The following OBI1 variants were observed in gnomAD, a reference collection of about 807,000 sequenced individuals.
OBI1 encodes the protein ORC ubiquitin ligase 1.
OBI1 carries 59 observed loss-of-function variants against 62.4 expected under a neutral mutation model. That is an observed-to-expected ratio of 0.95 (90% CI 0.77 to 1.17). OBI1 has a LOEUF of 1.17. OBI1 is among the 50% of genes most tolerant of loss of function. The probability of loss-of-function intolerance (pLI) is 0.00; values close to 1 mark genes in which losing one functional copy is unlikely to be tolerated. For synonymous variants in OBI1, 302 were observed against 292.8 expected, an observed-to-expected ratio of 1.03 and a Z score of -0.32; for missense variants, 875 against 830.9, an observed-to-expected ratio of 1.05 and a Z score of -0.65.
intron 4 of OBI1, among the ~76,000 whole-genome samples, chr13:78,637,953 G>A (rs1019797247): frequency 3.3e-5 from 5 of 152,142 alleles, no homozygotes; most frequent in Non-Finnish European, 7.3e-5. Flanking sequence ...AATACCATAT[G>A]GAGCTCATTA....
chr13:78,644,721 T>C (rs926628145), intron 2 of OBI1, 141 bp downstream of exon 2: 20 of 892,520 alleles, frequency 2.2e-5, no homozygotes, highest in Middle Eastern at 4.8e-4. Flanking sequence ...ACATATACAT[T>C]ACACAAATTA....
At position 78,617,082 on chromosome 13, in the gene OBI1, C is replaced by A. The variant is rs1224039013; in HGVS notation, c.679G>T (p.Glu227Ter). The change falls in exon 6 of 6, where the codon GAA becomes TAA. Residue 227 changes from glutamate (E) to a stop codon, truncating the protein, a stop_gained. Coordinates refer to ENST00000282003, the MANE Select transcript of OBI1 (RefSeq NM_024546.4). LOFTEE classifies it high-confidence loss of function. Reference sequence around the variant, plus strand: ...CGATTGGTTTCACGCTCATACTGTTCTACTTTGGACTGAAGAGCAGCAACT... The same window carrying A: ...CGATTGGTTTCACGCTCATACTGTTATACTTTGGACTGAAGAGCAGCAACT... ...FAVAALQSKV[E>*]QYERETNRLK... 1.3e-6 allele frequency: 2 copies of A among 1,582,548 alleles called. No individual in the cohort carries two copies. Among genetic ancestry groups the A allele is most frequent in the Non-Finnish European group, 1.7e-6 (2 of 1,166,188 alleles).
intron 5 of OBI1, among the ~76,000 whole-genome samples, chr13:78,628,417 G>A (rs959073871): frequency 3.9e-5 from 6 of 152,178 alleles, no homozygotes; most frequent in Non-Finnish European, 7.4e-5. Context: ...TGAAAGGGCT[G>A]CTTTAGATTG....
chr13:78,616,977 C>T lies in OBI1; in HGVS notation c.784G>A (p.Glu262Lys). Residue 262 changes from glutamate (E) to lysine (K), a missense_variant, in exon 6 of 6, where the codon GAA becomes AAA. Coordinates refer to ENST00000282003, the MANE Select transcript of OBI1 (RefSeq NM_024546.4). ...SQVAQLKNSS[E>K]EKEAMNSICQ... ...ATGGAATTCATAGCTTCTTTCTCTTCACTTGAATTTTTTAGCTGTGCAACT... is the reference window on the plus strand; with the variant it reads ...ATGGAATTCATAGCTTCTTTCTCTTTACTTGAATTTTTTAGCTGTGCAACT... The T allele has an allele frequency of 2.5e-6, 4 of 1,614,186 alleles. No homozygotes were observed. The South Asian group carries it at 4.4e-5, about 18-fold the overall frequency.
intron 1 of OBI1, 100 bp from the exon 2 acceptor site, chr13:78,645,097 G>T: frequency 8.4e-7 from 1 of 1,189,784 alleles, no homozygotes; most frequent in Non-Finnish European, 1.2e-6. Flanking sequence ...TTATAGCAGA[G>T]TAGGAGTTTA....
chr13:78,637,561 T>C (rs1566281868), intron 4 of OBI1, among the ~76,000 whole-genome samples: 1 of 152,236 alleles, frequency 6.6e-6, no homozygotes, highest in Non-Finnish European at 1.5e-5. Flanking sequence ...GGAGATCATA[T>C]AGTGCTTACC....
Position 78,628,247 on chromosome 13 carries a change from T to C in OBI1, c.638+6863A>G, listed in dbSNP as rs1393512604. 2.0e-5 allele frequency among the ~76,000 whole-genome samples: 3 copies of C among 152,230 alleles called. No individual in the cohort carries two copies. The East Asian group carries it at 5.8e-4, about 29-fold the overall frequency. ...AACTGAGATACAGAAAGGTTAAATA[T>C]CTTTGTCTAAATCACAGAGCTAGTA... is the stretch of plus-strand genomic sequence containing the variant. On this transcript the variant is annotated intron_variant, in intron 5 of 5. Transcript: ENST00000282003.
rs1160793729 is a variant in OBI1, at chr13:78,616,918, C to T, written c.843G>A (p.Gly281=). Residue 281 remains glycine, a synonymous_variant, in exon 6 of 6, where the codon GGG becomes GGA. Transcript: ENST00000282003. ...CCACATCCTCCTCACTGCCTTTGCT[C>T]CCTTTGCCATCTGCAGAAAGTGCTG... is the stretch of plus-strand genomic sequence containing the variant. ...CQTALSADGK[G]SKGSEEDVVS... 1 of 1,613,982 alleles carries T rather than the reference C, an allele frequency of 6.2e-7. No homozygotes were observed. The highest frequency in any genetic ancestry group is 1.3e-5 in the African/African-American group (1 of 74,932).
In OBI1 at chr13:78,644,926, AT is replaced by A. The variant is rs1227361917; in HGVS notation, c.143del (p.Asn48IlefsTer22). 6.2e-7 allele frequency: 1 copy of A among 1,613,992 alleles called. No individual in the cohort carries two copies. ...CSICIDLWLKNNSQCPACRVP... is the reference protein window; with the variant it reads ...CSICIDLWLKXNSQCPACRVP... ...CTCTGCAAGCTGGACACTGGCTATT[AT>A]TCTTCAACCACAAATCAATACAAAT... is the stretch of plus-strand genomic sequence containing the variant. On this transcript the variant is annotated frameshift_variant, in exon 2 of 6. Transcript: ENST00000282003. LOFTEE classifies it high-confidence loss of function.
intron 5 of OBI1, among the ~76,000 whole-genome samples, chr13:78,619,522 C>T (rs1407005762): frequency 6.6e-6 from 1 of 151,852 alleles, no homozygotes; most frequent in African/African-American, 2.4e-5. Context: ...AAGGCCACTG[C>T]CCCCAATTTC....
chr13:78,627,953 G>A (rs953073635), intron 5 of OBI1, among the ~76,000 whole-genome samples: 1 of 152,082 alleles, frequency 6.6e-6, no homozygotes, highest in Non-Finnish European at 1.5e-5. Flanking sequence ...TTCAGATACT[G>A]GGGGCTTTGG....
rs943151097 is a variant in OBI1, at chr13:78,645,839, G to A, written c.73-842C>T. On this transcript the variant is annotated intron_variant, in intron 1 of 5. Coordinates refer to ENST00000282003, the MANE Select transcript of OBI1 (RefSeq NM_024546.4). Reference sequence around the variant, plus strand: ...TCATTTTTCTATTTTTAGGAGAGACGGGGTTTCACCACATTGGTCAGGCTG... The same window carrying A: ...TCATTTTTCTATTTTTAGGAGAGACAGGGTTTCACCACATTGGTCAGGCTG... Among the ~76,000 whole-genome samples, 7 of 152,092 alleles carry A rather than the reference G, an allele frequency of 4.6e-5. No individual in the cohort carries two copies. The East Asian group carries it at 5.8e-4, about 13-fold the overall frequency.
rs543265567 is a variant in OBI1 at position 78,625,246 on chromosome 13, C to A, written c.639-8124G>T. Reference sequence around the variant, plus strand: ...TACATCTTTTCCCAAAATAAAATAACCTTAACAACAAAATCTCAATACTGT... The same window carrying A: ...TACATCTTTTCCCAAAATAAAATAAACTTAACAACAAAATCTCAATACTGT... On this transcript the variant is annotated intron_variant, in intron 5 of 5. Transcript: ENST00000282003. Among the ~76,000 whole-genome samples the A allele has an allele frequency of 3.0e-3, 462 of 152,242 alleles. 3 individuals carry two copies. Among genetic ancestry groups the A allele is most frequent in the African/African-American group, 0.011 (445 of 41,552 alleles).
chr13:78,656,373 G>A (rs1194652218), intron 1 of OBI1, among the ~76,000 whole-genome samples: 4 of 151,732 alleles, frequency 2.6e-5, no homozygotes, highest in Admixed American at 1.3e-4. Flanking sequence ...CACCTAGTTC[G>A]GGAGTTCAAG....
intron 1 of OBI1, among the ~76,000 whole-genome samples, chr13:78,658,589 C>G (rs889535648): frequency 2.6e-5 from 4 of 152,204 alleles, no homozygotes; most frequent in Non-Finnish European, 5.9e-5. Context: ...AGACTCAATA[C>G]ACAGCACCGT....
intron 1 of OBI1, among the ~76,000 whole-genome samples, 193 bp from the exon 2 acceptor site, chr13:78,645,190 G>T (rs1170061061): frequency 6.6e-6 from 1 of 151,928 alleles, no homozygotes; most frequent in Non-Finnish European, 1.5e-5. Flanking sequence ...GATACTAGAT[G>T]AGATACTGGA....
rs555782276 is a variant in OBI1, at chr13:78,615,631, T to A, written c.2130A>T (p.Lys710Asn). The A allele has an allele frequency of 6.2e-7, 1 of 1,613,692 alleles. No homozygotes were observed. The highest frequency in any genetic ancestry group is 1.1e-5 in the South Asian group (1 of 90,952). Residue 710 changes from lysine (K) to asparagine (N), a missense_variant, in exon 6 of 6, where the codon AAA becomes AAT. Physicochemically the swap from Lys to Asn is moderately conservative, Grantham distance 94 (BLOSUM62 0). Coordinates refer to ENST00000282003, the MANE Select transcript of OBI1 (RefSeq NM_024546.4). ...NKNVNQSTKR[K>N]IQSSLSSASP... ...TGGCACTGGAAAGGCTGCTCTGGAT[T>A]TTTCTTTTTGTTGATTGATTCACAT...
chr13:78,647,391 A>C (rs1001562614), intron 1 of OBI1, among the ~76,000 whole-genome samples: 1 of 152,248 alleles, frequency 6.6e-6, no homozygotes, highest in African/African-American at 2.4e-5. Flanking sequence ...GAGGCGAGAC[A>C]TGTTGGCAGC....
intron 5 of OBI1, among the ~76,000 whole-genome samples, chr13:78,629,169 G>A (rs185760243): frequency 6.6e-6 from 1 of 152,160 alleles, no homozygotes; most frequent in African/African-American, 2.4e-5. Flanking sequence ...AAGGAGCTGA[G>A]GCATTGCTGA....
Sources: allele counts gnomAD v4.1 joint callset (sites outside exome capture counted in the v4.1 genomes callset), GRCh38; gene constraint gnomAD v4.1.1; transcripts MANE v1.5; gene names NCBI Gene and HGNC (gene_info 2026-07-23, HGNC 2026-07-21).